CLCNKA: variants seen among roughly 807,000 people sequenced by gnomAD.
CLCNKA encodes chloride channel protein ClC-Ka.
In CLCNKA, 66 loss-of-function variants were observed where a neutral mutation model predicts 83.3. The ratio of observed to expected loss-of-function variants is 0.79; its 90% CI spans 0.65 to 0.97. The LOEUF (loss-of-function observed/expected upper bound fraction) is 0.97. CLCNKA is among the 50% of genes least tolerant of loss of function. CLCNKA has a pLI of 0.00. For synonymous variants in CLCNKA, 357 were observed against 370.4 expected (o/e 0.96, Z 0.42); for missense variants, 806 against 888.7 (o/e 0.91, Z 1.18).
In CLCNKA at chr1:16,029,149, C is replaced by T. The variant is rs778060639; in HGVS notation, c.1077C>T (p.Asp359=). The T allele has an allele frequency of 6.2e-7, 1 of 1,611,972 alleles. No individual in the cohort carries two copies. The highest frequency in any genetic ancestry group is 1.3e-5 in the African/African-American group (1 of 74,980). ...ASRLSMKQHL[D]SLFDNHSWAL... is the part of the protein sequence containing the mutation. ...AGCTGTCCATGAAGCAGCATCTGGA[C>T]TCGCTGTTCGACAACCACTCCTGGG... The change falls in exon 12 of 20, where the codon GAC becomes GAT. Residue 359 remains aspartate, a synonymous_variant. Transcript: ENST00000331433.
At chr1:16,029,360 G>GGGGTGCCTCCCT (rs1158868032) in intron 12 of CLCNKA, 61 bp downstream of exon 12, 12 of 1,610,390 alleles carry the variant, frequency 7.5e-6, no homozygotes, top group Middle Eastern at 1.7e-4. Flanking sequence ...GGGAGGGGCG[G>GGGGTGCCTCCCT]GGGTGCCTCC....
chr1:16,024,076 C>G (rs1375364331), intron 3 of CLCNKA, 148 bp downstream of exon 3: 5 of 971,296 alleles, frequency 5.1e-6, no homozygotes, highest in Non-Finnish European at 6.4e-6. Context: ...CTCTGTGATC[C>G]TGGGCAGGCT....
In CLCNKA at chr1:16,026,108, G is replaced by T. The variant is rs1176943824; in HGVS notation, c.359G>T (p.Gly120Val). The T allele has an allele frequency of 1.2e-6, 2 of 1,612,450 alleles. No homozygotes were observed. The highest frequency in any genetic ancestry group is 2.2e-5 in the South Asian group (2 of 91,000). Residue 120 changes from glycine to valine, a missense_variant and splice_region_variant, in exon 5 of 20, where the codon GGT becomes GTT. Transcript: ENST00000331433. ...CTTGTTCCTGTCCTGTCTGGCTAAG[G>T]TTCTGGAATCCCGGAGCTGAAGACC... ...FSQSITPSSG[G>V]SGIPELKTML...
chr1:16,028,813 C>G lies in CLCNKA; in HGVS notation c.1021C>G (p.Pro341Ala), dbSNP rs1172785466. The G allele has an allele frequency of 6.2e-7, 1 of 1,613,996 alleles. No homozygotes were observed. Among genetic ancestry groups the G allele is most frequent in the African/African-American group, 1.3e-5 (1 of 74,914 alleles). Residue 341 changes from proline to alanine, a missense_variant, in exon 11 of 20, where the codon CCG becomes GCG. Transcript: ENST00000331433. ...ATLLLASITY[P>A]PGVGHFLASR... ...CTTGCTTCTCGCCTCCATCACCTAC[C>G]CGCCTGGTGTGGGCCACTTCCTAGC...
At position 16,022,829 on chromosome 1, in the gene CLCNKA, A is replaced by G. The variant is rs1237186804; in HGVS notation, c.100+110A>G. ...GGAACCACCCTCCTGTCATTTGTCC[A>G]GGACATGACTGCCCAAAGTCTCCTG... On this transcript the variant is annotated intron_variant, in intron 2 of 19. Coordinates refer to ENST00000331433, the MANE Select transcript of CLCNKA (RefSeq NM_004070.4). 5.2e-6 allele frequency: 4 copies of G among 771,774 alleles called. No homozygotes were observed. In the East Asian group the frequency reaches 1.1e-4, roughly 22 times the overall value. 47.8% of individuals were successfully genotyped at this position (771,774 alleles called of 1,614,324 possible).
In CLCNKA at chr1:16,026,721, CT is replaced by C. The variant is rs1557450525; in HGVS notation, c.602del (p.Leu201ArgfsTer95). 1.2e-6 allele frequency: 2 copies of C among 1,613,772 alleles called. No individual in the cohort carries two copies. The highest frequency in any genetic ancestry group is 4.5e-5 in the East Asian group (2 of 44,856). The part of the protein sequence containing the change: ...PENKSKQNEM[L>X]VAAAAVGVAT... ...GAACAAGAGCAAGCAAAACGAAATG[CT>C]GGTGGCAGCGGCGGCAGTGGGCGTG... On this transcript the variant is annotated frameshift_variant, in exon 7 of 20. Transcript: ENST00000331433. LOFTEE classifies it high-confidence loss of function.
intron 18 of CLCNKA, 32 bp downstream of exon 18, chr1:16,032,558 G>A (rs1424989672): frequency 2.0e-6 from 3 of 1,512,406 alleles, no homozygotes; most frequent in Non-Finnish European, 2.8e-6. Context: ...GACACACGCA[G>A]CCCCCGGGGC....
Position 16,023,827 on chromosome 1 carries a change from T to C in CLCNKA, c.128T>C (p.Val43Ala). Residue 43 changes from valine (V) to alanine (A), a missense_variant, in exon 3 of 20, where the codon GTG (valine) becomes GCG (alanine). Val to Ala is a moderately conservative substitution (Grantham distance 64, BLOSUM62 0). Transcript: ENST00000331433. ...QGGLEWLKQKVFRLGEDWYFL... is the reference protein window; with the variant it reads ...QGGLEWLKQKAFRLGEDWYFL... ...GGCCTGGAGTGGCTAAAGCAGAAGGTGTTCCGCCTGGGAGAAGACTGGTAC... is the reference window on the plus strand; with the variant it reads ...GGCCTGGAGTGGCTAAAGCAGAAGGCGTTCCGCCTGGGAGAAGACTGGTAC... The C allele has an allele frequency of 6.2e-7, 1 of 1,614,042 alleles. No homozygotes were observed. The highest frequency in any genetic ancestry group is 8.5e-7 in the Non-Finnish European group (1 of 1,179,982).
In CLCNKA at chr1:16,033,228, G is replaced by T; in HGVS notation, c.1988G>T (p.Arg663Ile). Reference sequence around the variant, plus strand: ...TCCCTCTTCGTGACATCGCGGGGCAGAGCTGTGGGCTGCGTGTCCTGGGTG... The same window carrying T: ...TCCCTCTTCGTGACATCGCGGGGCATAGCTGTGGGCTGCGTGTCCTGGGTG... ...LQSLFVTSRG[R>I]AVGCVSWVEM... Residue 663 changes from arginine to isoleucine, a missense_variant, in exon 19 of 20, where the codon AGA becomes ATA. Coordinates refer to ENST00000331433, the MANE Select transcript of CLCNKA (RefSeq NM_004070.4). 1 of 1,614,168 alleles carries T rather than the reference G, an allele frequency of 6.2e-7. No homozygotes were observed. Among genetic ancestry groups the T allele is most frequent in the Non-Finnish European group, 8.5e-7 (1 of 1,180,020 alleles).
intron 12 of CLCNKA, 155 bp downstream of exon 12, chr1:16,029,454 G>A: frequency 1.6e-6 from 2 of 1,234,008 alleles, no homozygotes; most frequent in South Asian, 2.7e-5. Flanking sequence ...TGGATAAGTG[G>A]CTTCAGGTCT....
intron 11 of CLCNKA, 37 bp from the exon 12 acceptor site, chr1:16,029,089 G>C: frequency 6.2e-7 from 1 of 1,602,734 alleles, no homozygotes. Context: ...CGCTGGGGGG[G>C]GCCCCTCATG....
chr1:16,032,767 A>G (rs1016031649), intron 18 of CLCNKA, among the ~76,000 whole-genome samples: 5 of 152,244 alleles, frequency 3.3e-5, no homozygotes, highest in African/African-American at 9.6e-5. Flanking sequence ...GGGTGGAGAA[A>G]GACAGTGGAG....
intron 15 of CLCNKA, 112 bp from the exon 16 acceptor site, chr1:16,031,598 C>CA: frequency 6.7e-7 from 1 of 1,489,054 alleles, no homozygotes; most frequent in Non-Finnish European, 9.2e-7. Flanking sequence ...GCCCTGCTCA[C>CA]ACTCCAGAGC....
At chr1:16,023,611 A>G (rs2022225990) in intron 2 of CLCNKA, among the ~76,000 whole-genome samples, 189 bp from the exon 3 acceptor site, 1 of 152,200 alleles carries the variant, frequency 6.6e-6, no homozygotes, top group Non-Finnish European at 1.5e-5. Flanking sequence ...TGACACAGCC[A>G]TCTGCCAGTC....
At chr1:16,027,190 C>G (rs997693974) in intron 7 of CLCNKA, 120 bp from the exon 8 acceptor site, 297 of 1,451,754 alleles carry the variant, frequency 2.0e-4, no homozygotes, top group Non-Finnish European at 2.6e-4. Context: ...CTGTCTGTCC[C>G]TGTCCGGGCT....
rs1235214941 is a variant in CLCNKA, at chr1:16,033,674, T to C, written c.*16T>C. 1 of 1,485,710 alleles carries C rather than the reference T, an allele frequency of 6.7e-7. No homozygotes were observed. Among genetic ancestry groups the C allele is most frequent in the Admixed American group, 1.9e-5 (1 of 53,704 alleles). The allele number at this position is 1,485,710 out of a possible 1,614,324, so 92.0% of individuals were successfully genotyped here. A position where few individuals can be genotyped will look rare whatever the true frequency, so the allele number is the denominator to read the frequency against. ...TCCAAAGTGAGCCGGCCCAGCAAGA[T>C]GAAACAGGGCACCCCAGCTGACCTG... On this transcript the variant is annotated 3_prime_UTR_variant, in exon 20 of 20. Coordinates refer to ENST00000331433, the MANE Select transcript of CLCNKA (RefSeq NM_004070.4).
At chr1:16,028,976 C>A in intron 11 of CLCNKA, 131 bp downstream of exon 11, 4 of 1,500,266 alleles carry the variant, frequency 2.7e-6, no homozygotes, top group Non-Finnish European at 3.7e-6. Flanking sequence ...ATAAGGAGAC[C>A]ATGGCTCTGG....
rs2022541046 is a variant in CLCNKA, at chr1:16,029,785, C to A, written c.1282C>A (p.Pro428Thr). Residue 428 changes from proline to threonine, a missense_variant, in exon 13 of 20, where the codon CCC becomes ACC. Physicochemically the swap from Pro to Thr is conservative, Grantham distance 38 (BLOSUM62 -1). Transcript: ENST00000331433. Reference sequence around the variant, plus strand: ...CCCCATGCCTGCCGGGTACTTCATGCCCATCTTTATCCTTGGTGAGTCTGG... The same window carrying A: ...CCCCATGCCTGCCGGGTACTTCATGACCATCTTTATCCTTGGTGAGTCTGG... ...TIPMPAGYFM[P>T]IFILGAAIGR... The A allele has an allele frequency of 6.2e-7, 1 of 1,614,046 alleles. No homozygotes were observed. Among genetic ancestry groups the A allele is most frequent in the Non-Finnish European group, 8.5e-7 (1 of 1,180,038 alleles).
At chr1:16,027,468 G>A (rs551315423) in intron 8 of CLCNKA, 33 bp downstream of exon 8, 1 of 1,611,722 alleles carries the variant, frequency 6.2e-7, no homozygotes, top group East Asian at 2.2e-5. Context: ...CCCTGGCCCT[G>A]CCTGGGGGCC....
Sources: allele counts gnomAD v4.1 joint callset (sites outside exome capture counted in the v4.1 genomes callset), GRCh38; gene constraint gnomAD v4.1.1; transcripts MANE v1.5; gene names NCBI Gene and HGNC (gene_info 2026-07-23, HGNC 2026-07-21).